The following RAC1 variants were observed in gnomAD, a reference collection of about 807,000 sequenced individuals.
RAC1 encodes ras-related C3 botulinum toxin substrate 1.
In RAC1, 2 loss-of-function variants were observed where a neutral mutation model predicts 25.2. The ratio of observed to expected loss-of-function variants is 0.08; its 90% CI spans 0.03 to 0.25. The LOEUF (loss-of-function observed/expected upper bound fraction) is 0.25, where lower values mean the gene tolerates loss of function less well. RAC1 is among the 10% of genes least tolerant of loss of function. RAC1 has a pLI of 1.00. For missense variants in RAC1, 50 were observed against 235.7 expected (o/e 0.21, Z 5.16); for synonymous variants, 88 against 94.0 (o/e 0.94, Z 0.37).
At chr7:6,376,381 A>G (rs1454089344) in intron 1 of RAC1, among the ~76,000 whole-genome samples, 1 of 150,438 alleles carries the variant, frequency 6.6e-6, no homozygotes, top group Admixed American at 6.6e-5. Flanking sequence ...ACGGGGTTTC[A>G]CCATGTTGGC....
rs748162458 is a variant in RAC1, at chr7:6,398,739, A to G, written c.226-1387A>G. 19 of 1,609,008 alleles carry G rather than the reference A, an allele frequency of 1.2e-5. No homozygotes were observed. In the Admixed American group the frequency reaches 2.8e-4, roughly 24 times the overall value. On this transcript the variant is annotated intron_variant, in intron 3 of 5. Transcript: ENST00000348035. ...TTGCCGTATGTAAAACTTTCAGTCC[A>G]CTTCAGTTTCAAGCTTTCTCTGTTC...
In RAC1 at chr7:6,387,325, G is replaced by A. The variant is rs573808383; in HGVS notation, c.107+42G>A. On this transcript the variant is annotated intron_variant, in intron 2 of 5. Coordinates refer to ENST00000348035, the MANE Select transcript of RAC1 (RefSeq NM_006908.5). ...GGGAATTAACCTGTTTGTGTTACGGGTTTCACATTTCTTTGACCATTTGTT... is the reference window on the plus strand; with the variant it reads ...GGGAATTAACCTGTTTGTGTTACGGATTTCACATTTCTTTGACCATTTGTT... 1.4e-5 allele frequency: 18 copies of A among 1,332,234 alleles called. No individual in the cohort carries two copies. The African/African-American group carries it at 2.4e-4, about 18-fold the overall frequency. The allele number at this position is 1,332,234 out of a possible 1,614,324, so 82.5% of individuals were successfully genotyped here. A position where few individuals can be genotyped will look rare whatever the true frequency, so the allele number is the denominator to read the frequency against.
At chr7:6,388,201 C>T (rs529075117) in intron 2 of RAC1, among the ~76,000 whole-genome samples, 9 of 152,148 alleles carry the variant, frequency 5.9e-5, no homozygotes, top group Non-Finnish European at 8.8e-5. Context: ...AATGCACCAT[C>T]CTGCAGCTGC....
In RAC1 at chr7:6,400,876, C is replaced by T. The variant is rs888424036; in HGVS notation, c.288+688C>T. On this transcript the variant is annotated intron_variant, in intron 4 of 5. Coordinates refer to ENST00000348035, the MANE Select transcript of RAC1 (RefSeq NM_006908.5). ...TTTTAGTAGAAATGTGGTTTCTCCA[C>T]GTCAGTCAGGCTGGTCTCGAACTCC... 3.3e-5 allele frequency among the ~76,000 whole-genome samples: 5 copies of T among 152,018 alleles called. No individual in the cohort carries two copies. The South Asian group carries it at 6.2e-4, about 19-fold the overall frequency.
At chr7:6,386,788 CAA>C (rs71008388) in intron 1 of RAC1, among the ~76,000 whole-genome samples, 108 of 88,140 alleles carry the variant, frequency 1.2e-3, no homozygotes, top group African/African-American at 2.1e-3. Flanking sequence ...GACTCGGTCT[CAA>C]AAAAAAAAAA....
At chr7:6,395,299 C>T (rs1386948008) in intron 3 of RAC1, among the ~76,000 whole-genome samples, 1 of 151,878 alleles carries the variant, frequency 6.6e-6, no homozygotes, top group African/African-American at 2.4e-5. Flanking sequence ...GGGCTAGACT[C>T]CTGTGATGGT....
intron 2 of RAC1, among the ~76,000 whole-genome samples, chr7:6,390,789 G>C (rs1783072187): frequency 6.6e-6 from 1 of 151,944 alleles, no homozygotes; most frequent in South Asian, 2.1e-4. Context: ...GCAAGGACCT[G>C]ATTCTTTTTC....
intron 1 of RAC1, among the ~76,000 whole-genome samples, chr7:6,382,588 G>A (rs1283642373): frequency 6.6e-6 from 1 of 152,208 alleles, no homozygotes; most frequent in African/African-American, 2.4e-5. Flanking sequence ...TCTTGGCTGG[G>A]CGTGGTGGCT....
chr7:6,400,896 A>G (rs1030138096), intron 4 of RAC1, among the ~76,000 whole-genome samples: 1 of 152,028 alleles, frequency 6.6e-6, no homozygotes, highest in African/African-American at 2.4e-5. Context: ...GCTGGTCTCG[A>G]ACTCCCGACC....
intron 1 of RAC1, among the ~76,000 whole-genome samples, chr7:6,377,570 G>T (rs1448027639): frequency 6.6e-6 from 1 of 152,130 alleles, no homozygotes; most frequent in South Asian, 2.1e-4. Context: ...ACTCCAGCCC[G>T]TGCGACAGAG....
In RAC1 at chr7:6,400,317, A is replaced by G. The variant is rs867800307; in HGVS notation, c.288+129A>G. Reference sequence around the variant, plus strand: ...GGTTTTAGCAATTTGCTACTTAAGTACATGATTGGGTTTTTTTTTTTCTTT... The same window carrying G: ...GGTTTTAGCAATTTGCTACTTAAGTGCATGATTGGGTTTTTTTTTTTCTTT... On this transcript the variant is annotated intron_variant, in intron 4 of 5. Coordinates refer to ENST00000348035, the MANE Select transcript of RAC1 (RefSeq NM_006908.5). 16 of 854,618 alleles carry G rather than the reference A, an allele frequency of 1.9e-5. No homozygotes were observed. The South Asian group carries it at 2.5e-4, about 13-fold the overall frequency. 52.9% of individuals were successfully genotyped at this position (854,618 alleles called of 1,614,324 possible).
intron 1 of RAC1, among the ~76,000 whole-genome samples, chr7:6,386,458 G>T (rs1030271004): frequency 2.0e-5 from 3 of 152,084 alleles, no homozygotes; most frequent in African/African-American, 7.2e-5. Flanking sequence ...ACTTAAAGAG[G>T]AAGGCTGTGT....
chr7:6,376,425 C>T (rs1344114276), intron 1 of RAC1, among the ~76,000 whole-genome samples: 5 of 151,480 alleles, frequency 3.3e-5, no homozygotes, highest in South Asian at 2.1e-4. Flanking sequence ...CTCAGGTGAT[C>T]CACCCGCCTG....
intron 3 of RAC1, among the ~76,000 whole-genome samples, chr7:6,399,649 G>A (rs1289690517): frequency 6.6e-6 from 1 of 152,216 alleles, no homozygotes; most frequent in Non-Finnish European, 1.5e-5. Flanking sequence ...CTTGTGGAGG[G>A]AAGGGCTCAA....
At chr7:6,396,759 G>A (rs187463725) in intron 3 of RAC1, among the ~76,000 whole-genome samples, 121 of 152,230 alleles carry the variant, frequency 7.9e-4, no homozygotes, top group African/African-American at 2.6e-3. Flanking sequence ...GGCCTGGCAC[G>A]GTGGCTCACG....
intron 3 of RAC1, among the ~76,000 whole-genome samples, chr7:6,395,763 T>A (rs1187976347): frequency 6.6e-6 from 1 of 152,176 alleles, no homozygotes; most frequent in Non-Finnish European, 1.5e-5. Flanking sequence ...CCTGACCCTT[T>A]TACAGGATTA....
chr7:6,379,780 G>A (rs1054168968), intron 1 of RAC1, among the ~76,000 whole-genome samples: 2 of 151,498 alleles, frequency 1.3e-5, no homozygotes, highest in African/African-American at 4.9e-5. Context: ...ATGGAGTCTC[G>A]CTCTGTCACC....
chr7:6,399,348 G>A (rs564764996), intron 3 of RAC1, among the ~76,000 whole-genome samples: 1 of 152,316 alleles, frequency 6.6e-6, no homozygotes, highest in East Asian at 1.9e-4. Flanking sequence ...CCTTTTTCCA[G>A]GAGAATATTT....
intron 2 of RAC1, among the ~76,000 whole-genome samples, chr7:6,387,925 G>T (rs1782968238): frequency 6.6e-6 from 1 of 152,118 alleles, no homozygotes; most frequent in Non-Finnish European, 1.5e-5. Flanking sequence ...ACGAGTTTCA[G>T]ATACACTGGC....
Sources: gnomAD v4.1 joint callset for allele counts (sites outside exome capture counted in the v4.1 genomes callset) on GRCh38, gnomAD v4.1.1 for gene constraint, MANE v1.5 for transcripts, NCBI Gene and HGNC (gene_info 2026-07-23, HGNC 2026-07-21) for gene names.